DPP3: variants seen among roughly 807,000 people sequenced by gnomAD.
DPP3 encodes the protein dipeptidyl peptidase 3.
In DPP3, 64 loss-of-function variants were observed where a neutral mutation model predicts 89.8. The ratio of observed to expected loss-of-function variants is 0.71; its 90% CI spans 0.58 to 0.88. The LOEUF is 0.88. Ranked by LOEUF, DPP3 falls within the 40% of genes least tolerant of loss-of-function variation. The pLI is 0.00. For missense variants in DPP3, 835 were observed against 972.5 expected (o/e 0.86, Z 1.88); for synonymous variants, 377 against 404.3 (o/e 0.93, Z 0.81).
intron 4 of DPP3, 125 bp from the exon 5 acceptor site, chr11:66,487,143 A>T (rs570210372): frequency 4.7e-6 from 4 of 843,514 alleles, no homozygotes; most frequent in Admixed American, 4.1e-5. Context: ...CCCTGGAGGT[A>T]GATGGAGGGG....
rs1191212428 is a variant in DPP3 at position 66,486,672 on chromosome 11, A to G, written c.493A>G (p.Lys165Glu). 2 of 1,528,604 alleles carry G rather than the reference A, an allele frequency of 1.3e-6. No homozygotes were observed. Among genetic ancestry groups the G allele is most frequent in the South Asian group, 1.3e-5 (1 of 79,014 alleles). The allele number at this position is 1,528,604 out of a possible 1,614,324, so 94.7% of individuals were successfully genotyped here. Residue 165 changes from lysine (K) to glutamate (E), a missense_variant, in exon 4 of 18, where the codon AAG becomes GAG. Transcript: ENST00000531863. ...EPRLRHLGLG[K>E]EGITTYFSGN... ...AAGGCTTCGACACCTCGGACTGGGG[A>G]AGGAGGTGAGGCCCCTGACTCCCCC... is the stretch of plus-strand genomic sequence containing the variant.
In DPP3 at chr11:66,482,426, C is replaced by T. The variant is rs199654699; in HGVS notation, c.226C>T (p.Arg76Cys). ...LFRAQDPDQL[R>C]QHALAEGLTE... ...CCGCGCCCAGGACCCCGACCAGCTG[C>T]GCCAACATGCCCTGGCTGAAGGCCT... Residue 76 changes from arginine (R) to cysteine (C), a missense_variant, in exon 2 of 18, where the codon CGC becomes TGC. Transcript: ENST00000531863. 1.8e-4 allele frequency: 288 copies of T among 1,608,884 alleles called. No homozygotes were observed. The highest frequency in any genetic ancestry group is 2.4e-4 in the Non-Finnish European group (279 of 1,180,032).
rs573935906 is a variant in DPP3, at chr11:66,483,484, C to G, written c.270+1014C>G. Among the ~76,000 whole-genome samples the G allele has an allele frequency of 2.6e-5, 4 of 152,184 alleles. 1 individual carries two copies. The South Asian group carries it at 8.3e-4, about 32-fold the overall frequency. ...CCATTGAATGCCATGTCTTGAAGAA[C>G]TTGGAGAATGGGGTACATTTAAATG... On this transcript the variant is annotated intron_variant, in intron 2 of 17. Transcript: ENST00000531863.
chr11:66,497,403 C>T lies in DPP3; in HGVS notation c.1804C>T (p.Arg602Trp), dbSNP rs74317854. 5.2e-5 allele frequency: 84 copies of T among 1,613,918 alleles called. No individual in the cohort carries two copies. Among genetic ancestry groups the T allele is most frequent in the Admixed American group, 1.2e-4 (7 of 60,030 alleles). The change falls in exon 16 of 18, where the codon CGG (arginine) becomes TGG (tryptophan). Residue 602 changes from arginine (R) to tryptophan (W), a missense_variant. Arg to Trp is a moderately radical substitution (Grantham distance 101). Transcript: ENST00000531863. ...TTGSDGRPDA[R>W]VRLDRSKIRS... Reference sequence around the variant, plus strand: ...AGGCTCCGATGGGCGCCCAGATGCCCGGGTCCGCCTCGACCGCAGCAAGAT... The same window carrying T: ...AGGCTCCGATGGGCGCCCAGATGCCTGGGTCCGCCTCGACCGCAGCAAGAT...
chr11:66,492,817 G>C lies in DPP3; in HGVS notation c.1090G>C (p.Glu364Gln), dbSNP rs1235142568. 5.6e-6 allele frequency: 9 copies of C among 1,614,060 alleles called. No individual in the cohort carries two copies. The highest frequency in any genetic ancestry group is 1.7e-5 in the Admixed American group (1 of 60,000). Residue 364 changes from glutamate (E) to glutamine (Q), a missense_variant, in exon 10 of 18, where the codon GAG becomes CAG. Physicochemically the swap from Glu to Gln is conservative, Grantham distance 29. Coordinates refer to ENST00000531863, the MANE Select transcript of DPP3 (RefSeq NM_130443.4). ...LKELPWPPTFEKDKFLTPDFT... is the reference protein window; with the variant it reads ...LKELPWPPTFQKDKFLTPDFT... ...GGAGCTGCCCTGGCCCCCAACCTTTGAGAAGGACAAGTTCCTCACCCCTGA... is the reference window on the plus strand; with the variant it reads ...GGAGCTGCCCTGGCCCCCAACCTTTCAGAAGGACAAGTTCCTCACCCCTGA...
chr11:66,482,514 G>A (rs1234732262), intron 2 of DPP3, 44 bp downstream of exon 2: 8 of 1,582,964 alleles, frequency 5.1e-6, no homozygotes, highest in East Asian at 4.5e-5. Context: ...GTGGCTTCTG[G>A]GTGTGAAAGA....
At position 66,494,120 on chromosome 11, in the gene DPP3, G is replaced by C. The variant is rs79737143; in HGVS notation, c.1389+487G>C. ...TGGAACCTGGGCTTTTCCGGGTATC[G>C]TAGGGAGCCACTTCTCCCCAGAGCA... On this transcript the variant is annotated intron_variant, in intron 12 of 17. Transcript: ENST00000531863. Among the ~76,000 whole-genome samples the C allele has an allele frequency of 5.1e-3, 782 of 152,248 alleles. 4 individuals carry two copies. The highest frequency in any genetic ancestry group is 0.018 in the African/African-American group (743 of 41,532).
chr11:66,490,389 T>C (rs1425337763), intron 6 of DPP3, among the ~76,000 whole-genome samples: 2 of 152,208 alleles, frequency 1.3e-5, no homozygotes, highest in African/African-American at 4.8e-5. Context: ...AAAGCAAGGC[T>C]GGGCCGCATT....
At chr11:66,505,503 A>G (rs1262558076) in intron 17 of DPP3, among the ~76,000 whole-genome samples, 1 of 152,222 alleles carries the variant, frequency 6.6e-6, no homozygotes, top group Non-Finnish European at 1.5e-5. Flanking sequence ...TGCTGATGTT[A>G]TCGTGAACCT....
rs878897406 is a variant in DPP3 at position 66,486,399 on chromosome 11, C to A, written c.361-141C>A. The A allele has an allele frequency of 4.5e-5, 49 of 1,091,430 alleles. No homozygotes were observed. In the South Asian group the frequency reaches 1.3e-3, roughly 29 times the overall value. The allele number at this position is 1,091,430 out of a possible 1,614,324, so 67.6% of individuals were successfully genotyped here. A position where few individuals can be genotyped will look rare whatever the true frequency, so the allele number is the denominator to read the frequency against. Reference sequence around the variant, plus strand: ...ATGGACGCTTGACATTTCTCAGGACCTACAAGTGCTGCTGGTCCATGGACC... The same window carrying A: ...ATGGACGCTTGACATTTCTCAGGACATACAAGTGCTGCTGGTCCATGGACC... On this transcript the variant is annotated intron_variant, in intron 3 of 17. Transcript: ENST00000531863.
At position 66,491,462 on chromosome 11, in the gene DPP3, GCCCGAGGCTGACCGAC is replaced by G. The variant is rs1411599464; in HGVS notation, c.799-28_799-13del. The G allele has an allele frequency of 6.3e-7, 1 of 1,596,448 alleles. No individual in the cohort carries two copies. The highest frequency in any genetic ancestry group is 2.2e-5 in the East Asian group (1 of 44,506). On this transcript the variant is annotated splice_polypyrimidine_tract_variant and intron_variant, in intron 7 of 17. Coordinates refer to ENST00000531863, the MANE Select transcript of DPP3 (RefSeq NM_130443.4). ...GAGCGGGTGTGGAGGTGGGTGGGTGGCCCGAGGCTGACCGACCCCCGCTCACCTCAGGCCTATGCAG... is the reference window on the plus strand; with the variant it reads ...GAGCGGGTGTGGAGGTGGGTGGGTGGCCCCGCTCACCTCAGGCCTATGCAG...
intron 6 of DPP3, among the ~76,000 whole-genome samples, chr11:66,488,229 C>G (rs909715884): frequency 1.3e-5 from 2 of 152,224 alleles, no homozygotes; most frequent in African/African-American, 2.4e-5. Context: ...CTGATTGGCT[C>G]AACCTGGTCT....
In DPP3 at chr11:66,495,784, G is replaced by C. The variant is rs1308342233; in HGVS notation, c.1698+34G>C. The C allele has an allele frequency of 3.8e-6, 6 of 1,573,532 alleles. No individual in the cohort carries two copies. The Admixed American group carries it at 1.1e-4, about 30-fold the overall frequency. On this transcript the variant is annotated intron_variant, in intron 15 of 17. Coordinates refer to ENST00000531863, the MANE Select transcript of DPP3 (RefSeq NM_130443.4). ...TAGGTGGAGCCCCCTGGAGGCGGAA[G>C]GGAGCCTGCAGTGGGTGCCAAGATC...
At chr11:66,503,252 C>T (rs1166482849) in intron 16 of DPP3, among the ~76,000 whole-genome samples, 1 of 152,206 alleles carries the variant, frequency 6.6e-6, no homozygotes, top group Non-Finnish European at 1.5e-5. Flanking sequence ...CAGGTATGAG[C>T]CACCGTGCCC....
chr11:66,488,582 A>G (rs1196202898), intron 6 of DPP3, among the ~76,000 whole-genome samples: 2 of 151,882 alleles, frequency 1.3e-5, no homozygotes, highest in Non-Finnish European at 2.9e-5. Flanking sequence ...AAAAAAAAAA[A>G]AAGAGGCTGG....
rs1313388626 is a variant in DPP3, at chr11:66,504,599, A to G, written c.1879-13A>G. On this transcript the variant is annotated splice_polypyrimidine_tract_variant and intron_variant, in intron 16 of 17. Transcript: ENST00000531863. ...ACTGCCCATCCTAGACATTTACTCCATCCTTCTCACAGGTGCTGAAGTCCA... is the reference window on the plus strand; with the variant it reads ...ACTGCCCATCCTAGACATTTACTCCGTCCTTCTCACAGGTGCTGAAGTCCA... 1.3e-6 allele frequency: 2 copies of G among 1,599,762 alleles called. No individual in the cohort carries two copies. Among genetic ancestry groups the G allele is most frequent in the Admixed American group, 1.7e-5 (1 of 58,380 alleles).
chr11:66,505,373 G>A (rs1202721163), intron 17 of DPP3, among the ~76,000 whole-genome samples: 1 of 152,168 alleles, frequency 6.6e-6, no homozygotes, highest in East Asian at 1.9e-4. Context: ...AGATACCTAA[G>A]ATGATGTGTG....
Position 66,493,585 on chromosome 11 carries a change from G to A in DPP3, c.1341G>A (p.Val447=). ...LWKGPSFDVQ[V]GLHELLGHGS... ...AGGGGCCCTCCTTCGATGTGCAGGT[G>A]GGCCTGCACGAGCTGCTGGGCCATG... is the stretch of plus-strand genomic sequence containing the variant. Residue 447 remains valine (V), a synonymous_variant, in exon 12 of 18, where the codon GTG becomes GTA. Transcript: ENST00000531863. 6.2e-7 allele frequency: 1 copy of A among 1,613,174 alleles called. No homozygotes were observed. Among genetic ancestry groups the A allele is most frequent in the Non-Finnish European group, 8.5e-7 (1 of 1,179,936 alleles).
rs747545414 is a variant in DPP3, at chr11:66,509,200, C to T, written c.2163C>T (p.Ala721=). The stretch of plus-strand genomic sequence containing the variant: ...AGATCCTCACACAGCTGGCCACAGC[C>T]GATGCCCGATTCTGGAAGGGCCCCA... ...LEEILTQLAT[A]DARFWKGPSE... The change falls in exon 18 of 18, where the codon GCC becomes GCT. Residue 721 remains alanine (A), a synonymous_variant. Transcript: ENST00000531863. The T allele has an allele frequency of 1.2e-6, 2 of 1,613,942 alleles. No individual in the cohort carries two copies. Among genetic ancestry groups the T allele is most frequent in the African/African-American group, 2.7e-5 (2 of 74,926 alleles).
Sources: allele counts gnomAD v4.1 joint callset (sites outside exome capture counted in the v4.1 genomes callset), GRCh38; gene constraint gnomAD v4.1.1; transcripts MANE v1.5; gene names NCBI Gene and HGNC (gene_info 2026-07-23, HGNC 2026-07-21).